Variants in SENP7 observed in about 807,000 individuals in gnomAD.
SENP7 encodes sentrin-specific protease 7.
SENP7 carries 64 observed loss-of-function variants against 141.2 expected under a neutral mutation model. That is an observed-to-expected ratio of 0.45 (90% CI 0.37 to 0.56). SENP7 has a LOEUF of 0.56. SENP7 is among the 20% of genes least tolerant of loss of function. SENP7 has a pLI of 0.00. For missense variants in SENP7, 1,025 were observed against 1,212.2 expected (o/e 0.85, Z 2.29); for synonymous variants, 382 against 426.4 (o/e 0.90, Z 1.28).
chr3:101,463,396 T>TACATATATATATATATATAC (rs2063645882), intron 3 of SENP7, among the ~76,000 whole-genome samples: 28 of 82,842 alleles, frequency 3.4e-4, no homozygotes, highest in African/African-American at 1.2e-3. Flanking sequence ...TATATATATA[T>TACATATATATATATATATAC]ACATATATAT....
chr3:101,416,800 T>C (rs1325707105), intron 5 of SENP7, among the ~76,000 whole-genome samples: 2 of 152,210 alleles, frequency 1.3e-5, no homozygotes, highest in Non-Finnish European at 2.9e-5. Context: ...TTTATCTGGG[T>C]CTTGGTTTAA....
intron 3 of SENP7, among the ~76,000 whole-genome samples, chr3:101,469,872 CTG>C (rs1331035938): frequency 2.1e-5 from 3 of 142,342 alleles, no homozygotes; most frequent in African/African-American, 7.8e-5. Flanking sequence ...TCACAACAAA[CTG>C]TCTCTCAGAC....
In SENP7 at chr3:101,429,764, C is replaced by T. The variant is rs141115916; in HGVS notation, c.285-11974G>A. ...AGTAAGAGAGGGCATCCTTGTCTTG[C>T]GCCAGTTGTCAAATGGAATGCTTCC... On this transcript the variant is annotated intron_variant, in intron 4 of 23. Transcript: ENST00000394095. Among the ~76,000 whole-genome samples the T allele has an allele frequency of 1.9e-3, 295 of 152,080 alleles. 3 individuals are homozygous for T. The highest frequency in any genetic ancestry group is 6.8e-3 in the Middle Eastern group (2 of 294).
Position 101,325,939 on chromosome 3 carries a change from T to A in SENP7, c.*4A>T, listed in dbSNP as rs1413068668. ...AACATCTGTGTCATGTTTGTACAGA[T>A]TAACTAGCTACTGCTGCCCTTCTGT... On this transcript the variant is annotated 3_prime_UTR_variant, in exon 24 of 24. Transcript: ENST00000394095. The A allele has an allele frequency of 6.2e-7, 1 of 1,607,106 alleles. No homozygotes were observed. The highest frequency in any genetic ancestry group is 2.2e-5 in the East Asian group (1 of 44,542).
At chr3:101,387,128 C>A (rs1272240141) in intron 6 of SENP7, among the ~76,000 whole-genome samples, 1 of 152,140 alleles carries the variant, frequency 6.6e-6, no homozygotes, top group African/African-American at 2.4e-5. Context: ...TGGGAAGCAA[C>A]CAGCCCTACC....
chr3:101,357,021 G>T (rs572712611), intron 11 of SENP7, among the ~76,000 whole-genome samples: 141 of 150,180 alleles, frequency 9.4e-4, no homozygotes, highest in African/African-American at 3.3e-3. Flanking sequence ...TTTTTTTTGA[G>T]ACAGAGTTTC....
intron 5 of SENP7, among the ~76,000 whole-genome samples, chr3:101,409,101 A>G (rs536062701): frequency 1.3e-5 from 2 of 152,334 alleles, no homozygotes; most frequent in South Asian, 4.1e-4. Flanking sequence ...TACAAGATTA[A>G]TGTACATAAA....
At chr3:101,457,423 G>GC in intron 4 of SENP7, 1 of 1,555,008 alleles carries the variant, frequency 6.4e-7, no homozygotes, top group Non-Finnish European at 8.9e-7. Context: ...ATGTTGGGTA[G>GC]CATTTCTGTC....
Position 101,384,344 on chromosome 3 carries a change from C to T in SENP7, c.678-12218G>A, listed in dbSNP as rs546798053. On this transcript the variant is annotated intron_variant, in intron 6 of 23. Transcript: ENST00000394095. ...GGTGCTACACACTCTTGCCACGTTGCGGGTGACTAGAAGAAGAGAAGACAG... is the reference window on the plus strand; with the variant it reads ...GGTGCTACACACTCTTGCCACGTTGTGGGTGACTAGAAGAAGAGAAGACAG... 5.9e-5 allele frequency among the ~76,000 whole-genome samples: 9 copies of T among 152,352 alleles called. No homozygotes were observed. The South Asian group carries it at 1.0e-3, about 18-fold the overall frequency.
chr3:101,437,281 A>G (rs1241450735), intron 4 of SENP7, among the ~76,000 whole-genome samples: 1 of 152,240 alleles, frequency 6.6e-6, no homozygotes, highest in Admixed American at 6.5e-5. Flanking sequence ...TAATAAAAAT[A>G]GAATGAATAA....
intron 17 of SENP7, among the ~76,000 whole-genome samples, chr3:101,334,629 G>A (rs1371097597): frequency 1.3e-5 from 2 of 152,134 alleles, no homozygotes; most frequent in Non-Finnish European, 2.9e-5. Flanking sequence ...TCAAAGTCAC[G>A]TTTATTGAAT....
intron 3 of SENP7, among the ~76,000 whole-genome samples, chr3:101,479,707 C>T (rs2108021392): frequency 6.7e-6 from 1 of 148,570 alleles, no homozygotes; most frequent in East Asian, 2.0e-4. Flanking sequence ...AATAGGGAGG[C>T]TGAGGTGGGA....
intron 12 of SENP7, among the ~76,000 whole-genome samples, chr3:101,348,799 T>TAAA (rs74452488): frequency 7.0e-6 from 1 of 143,500 alleles, no homozygotes; most frequent in Non-Finnish European, 1.5e-5. Flanking sequence ...AAAGAAACAT[T>TAAA]AAAAAAAAAA....
rs1471676774 is a variant in SENP7, at chr3:101,485,302, A to G, written c.186+8571T>C. 2.0e-5 allele frequency among the ~76,000 whole-genome samples: 3 copies of G among 152,050 alleles called. No individual in the cohort carries two copies. In the East Asian group the frequency reaches 5.8e-4, roughly 29 times the overall value. ...GTCACCTCCTGGCAGGAGGTCAACC[A>G]GCACAAAAATAGAACATTAAAACAC... On this transcript the variant is annotated intron_variant, in intron 3 of 23. Coordinates refer to ENST00000394095, the MANE Select transcript of SENP7 (RefSeq NM_020654.5).
intron 1 of SENP7, among the ~76,000 whole-genome samples, chr3:101,505,837 C>T (rs1047546740): frequency 2.0e-5 from 3 of 152,080 alleles, no homozygotes; most frequent in African/African-American, 7.2e-5. Flanking sequence ...TTATGACTAA[C>T]ACATAGTTAG....
intron 1 of SENP7, 100 bp from the exon 2 acceptor site, chr3:101,501,219 ATTAAC>A: frequency 3.7e-6 from 3 of 800,774 alleles, no homozygotes; most frequent in Non-Finnish European, 6.0e-6. Context: ...TTTGTTTTAA[ATTAAC>A]TTGTTAGATT....
chr3:101,373,380 A>G (rs1465851205), intron 6 of SENP7, among the ~76,000 whole-genome samples: 1 of 152,122 alleles, frequency 6.6e-6, no homozygotes, highest in African/African-American at 2.4e-5. Flanking sequence ...GAAAATGAAA[A>G]CCAAAAGAGA....
Position 101,501,130 on chromosome 3 carries a change from C to A in SENP7, c.41-11G>T, listed in dbSNP as rs1576541786. 2 of 1,593,158 alleles carry A rather than the reference C, an allele frequency of 1.3e-6. No individual in the cohort carries two copies. The highest frequency in any genetic ancestry group is 1.7e-6 in the Non-Finnish European group (2 of 1,165,640). The stretch of plus-strand genomic sequence containing the variant: ...CTTCTGTGATGATTTCTACAAAAAC[C>A]AAAGACGTGGTAAAAATTATCGTTT... On this transcript the variant is annotated splice_polypyrimidine_tract_variant and intron_variant, in intron 1 of 23. Transcript: ENST00000394095.
chr3:101,348,113 C>G, intron 12 of SENP7, 62 bp from the exon 13 acceptor site: 1 of 1,089,176 alleles, frequency 9.2e-7, no homozygotes, highest in Non-Finnish European at 1.3e-6. Context: ...ACCACTTAAA[C>G]ATTATATGAC....
Sources: allele counts gnomAD v4.1 joint callset (sites outside exome capture counted in the v4.1 genomes callset), GRCh38; gene constraint gnomAD v4.1.1; transcripts MANE v1.5; gene names NCBI Gene and HGNC (gene_info 2026-07-23, HGNC 2026-07-21).